Variants in RGS8 observed in about 807,000 individuals in gnomAD.
The protein encoded by RGS8 is regulator of G-protein signaling 8.
Under a neutral mutation model 21.7 loss-of-function variants are expected in RGS8, and 8 were observed. The observed-to-expected ratio is 0.37, with a 90% CI of 0.22 to 0.66. The LOEUF (loss-of-function observed/expected upper bound fraction) is 0.66. Among genes scored for constraint, RGS8 ranks in the 30% least tolerant of loss-of-function variants. RGS8 has a pLI of 0.59. For synonymous variants in RGS8, 80 were observed against 83.6 expected, an observed-to-expected ratio of 0.96 and a Z score of 0.24; for missense variants, 157 against 217.9, an observed-to-expected ratio of 0.72 and a Z score of 1.76.
At chr1:182,720,903 A>ATG in the RGS8 span, among the ~76,000 whole-genome samples, 43 of 22,646 alleles carry the variant, frequency 1.9e-3, 3 homozygotes, top group Middle Eastern at 0.034. Context: ...ATATATATAC[A>ATG]TATGTGTGTG....
At chr1:182,688,214 A>T (rs1664747524), upstream of RGS8, among the ~76,000 whole-genome samples, 1 of 152,198 alleles carries the variant, frequency 6.6e-6, no homozygotes, top group Non-Finnish European at 1.5e-5. Context: ...CTTGATTTTT[A>T]TCTTTTATTG....
At chr1:182,670,884 A>G (rs1448606586) in intron 2 of RGS8, among the ~76,000 whole-genome samples, 1 of 152,166 alleles carries the variant, frequency 6.6e-6, no homozygotes, top group African/African-American at 2.4e-5. Context: ...CTTCCTCAGA[A>G]GTCATGAAAT....
At chr1:182,697,575 G>A in the RGS8 span, among the ~76,000 whole-genome samples, 396 of 152,310 alleles carry the variant, frequency 2.6e-3, 4 homozygotes, top group African/African-American at 9.1e-3. Flanking sequence ...TCTGATACCC[G>A]GAGAGGGCAG....
At chr1:182,719,269 A>T in the RGS8 span, among the ~76,000 whole-genome samples, 1 of 152,188 alleles carries the variant, frequency 6.6e-6, no homozygotes, top group African/African-American at 2.4e-5. Context: ...TCAGAAAAGC[A>T]GTTTTAAGTG....
intron 5 of RGS8, among the ~76,000 whole-genome samples, chr1:182,660,548 C>T (rs1440066635): frequency 6.6e-6 from 1 of 151,548 alleles, no homozygotes; most frequent in Non-Finnish European, 1.5e-5. Context: ...AGTACACCTG[C>T]CATATTTGTT....
the RGS8 span, among the ~76,000 whole-genome samples, chr1:182,724,055 G>A: frequency 1.3e-5 from 2 of 151,200 alleles, no homozygotes; most frequent in Non-Finnish European, 2.9e-5. Context: ...GTCTGTGAGG[G>A]TGTCGGCAAA....
chr1:182,702,979 G>A, the RGS8 span, among the ~76,000 whole-genome samples: 3 of 152,188 alleles, frequency 2.0e-5, no homozygotes, highest in Non-Finnish European at 4.4e-5. Flanking sequence ...GGCAGAAAAG[G>A]AACACTTGGA....
At chr1:182,677,500 G>A (rs1254402890), upstream of RGS8, among the ~76,000 whole-genome samples, 1 of 152,162 alleles carries the variant, frequency 6.6e-6, no homozygotes, top group Non-Finnish European at 1.5e-5. Context: ...TTGGGGAAAG[G>A]TGCTATATAA....
chr1:182,694,375 C>T, the RGS8 span, among the ~76,000 whole-genome samples: 2 of 152,182 alleles, frequency 1.3e-5, no homozygotes, highest in African/African-American at 4.8e-5. Context: ...CTTGTTTGTC[C>T]TTCACAGTGT....
At chr1:182,643,646 C>A (rs1411558239), downstream of RGS8, 1 of 152,142 alleles carries the variant, frequency 6.6e-6, no homozygotes, top group Non-Finnish European at 1.5e-5. Flanking sequence ...TCTGGGTGTG[C>A]ACCTGGGAAT....
chr1:182,652,531 T>G (rs561465461), intron 5 of RGS8, among the ~76,000 whole-genome samples: 1 of 152,372 alleles, frequency 6.6e-6, no homozygotes, highest in South Asian at 2.1e-4. Flanking sequence ...TATGTAGCAT[T>G]GAAAACTTCA....
At chr1:182,706,030 T>G in the RGS8 span, among the ~76,000 whole-genome samples, 1 of 152,196 alleles carries the variant, frequency 6.6e-6, no homozygotes, top group Non-Finnish European at 1.5e-5. Context: ...TCACTCAGGC[T>G]GAAGTGCACT....
At chr1:182,744,025 G>A in the RGS8 span, among the ~76,000 whole-genome samples, 1 of 152,164 alleles carries the variant, frequency 6.6e-6, no homozygotes, top group Non-Finnish European at 1.5e-5. Context: ...TTCTGTGAGG[G>A]CAGAGACTTT....
chr1:182,716,053 A>G, the RGS8 span, among the ~76,000 whole-genome samples: 4 of 152,148 alleles, frequency 2.6e-5, no homozygotes, highest in African/African-American at 9.7e-5. Context: ...CTGTACTTCA[A>G]ATCATCTCTA....
the RGS8 span, among the ~76,000 whole-genome samples, chr1:182,732,269 T>TCTCA: frequency 1.1e-4 from 14 of 126,356 alleles, no homozygotes; most frequent in African/African-American, 4.1e-4. Flanking sequence ...GCTCTCTCTC[T>TCTCA]CATACACACA....
chr1:182,679,275 C>G (rs940231241), intron 1 of RGS8, among the ~76,000 whole-genome samples: 1 of 152,176 alleles, frequency 6.6e-6, no homozygotes, highest in African/African-American at 2.4e-5. Context: ...CATTTGGCTT[C>G]CATTCCCACC....
In RGS8 at chr1:182,670,753, G is replaced by A. The variant is rs1557897498; in HGVS notation, c.-104+904C>T. Among the ~76,000 whole-genome samples, 3 of 152,072 alleles carry A rather than the reference G, an allele frequency of 2.0e-5. No individual in the cohort carries two copies. The South Asian group carries it at 6.2e-4, about 32-fold the overall frequency. ...CTATAATTAATAAAATTAAAAGATT[G>A]CTTTGTTAAAACTAGAAAAAAAAAT... is the stretch of plus-strand genomic sequence containing the variant. On this transcript the variant is annotated intron_variant, in intron 2 of 6. Coordinates refer to ENST00000483095, the Ensembl canonical transcript of RGS8.
the RGS8 span, among the ~76,000 whole-genome samples, chr1:182,738,665 G>A: frequency 6.6e-6 from 1 of 152,038 alleles, no homozygotes; most frequent in African/African-American, 2.4e-5. Context: ...AGAACATGAG[G>A]GAATAAAAAA....
intron 5 of RGS8, among the ~76,000 whole-genome samples, chr1:182,660,018 G>A (rs1663508220): frequency 6.6e-6 from 1 of 152,184 alleles, no homozygotes; most frequent in Non-Finnish European, 1.5e-5. Context: ...CAAGCTGCCT[G>A]TGGGATCAAG....
Sources: allele counts gnomAD v4.1 joint callset (sites outside exome capture counted in the v4.1 genomes callset), GRCh38; gene constraint gnomAD v4.1.1; transcripts MANE v1.5; gene names NCBI Gene and HGNC (gene_info 2026-07-23, HGNC 2026-07-21).